Variants in ST6GALNAC5 observed in about 807,000 individuals in gnomAD.
ST6GALNAC5 encodes the protein alpha-N-acetylgalactosaminide alpha-2,6-sialyltransferase 5.
In ST6GALNAC5, 27 loss-of-function variants were observed where a neutral mutation model predicts 33.6. That is an observed-to-expected ratio of 0.80 (90% CI 0.59 to 1.11). The LOEUF (loss-of-function observed/expected upper bound fraction) is 1.11. Ranked by LOEUF, ST6GALNAC5 falls within the 50% of genes least tolerant of loss-of-function variation. The probability of loss-of-function intolerance (pLI) is 0.00; values close to 1 mark genes in which losing one functional copy is unlikely to be tolerated. For missense variants in ST6GALNAC5, 428 were observed against 454.0 expected (o/e 0.94, Z 0.52); for synonymous variants, 194 against 171.2 (o/e 1.13, Z -1.04).
intron 3 of ST6GALNAC5, among the ~76,000 whole-genome samples, chr1:77,049,401 A>G (rs1173899642): frequency 6.6e-6 from 1 of 152,192 alleles, no homozygotes; most frequent in Non-Finnish European, 1.5e-5. Context: ...CAACCCCCGA[A>G]GAATTGAAAT....
intron 2 of ST6GALNAC5, among the ~76,000 whole-genome samples, chr1:76,949,741 A>G (rs539063093): frequency 2.0e-5 from 3 of 152,268 alleles, no homozygotes; most frequent in African/African-American, 4.8e-5. Context: ...GTGACTCACC[A>G]GGAGAAAAAC....
At chr1:76,957,743 A>G (rs1648065539) in intron 2 of ST6GALNAC5, among the ~76,000 whole-genome samples, 2 of 152,200 alleles carry the variant, frequency 1.3e-5, no homozygotes, top group South Asian at 4.2e-4. Flanking sequence ...CCACAATACT[A>G]CTATTATCTC....
chr1:76,980,156 T>A (rs1429662278), intron 2 of ST6GALNAC5, among the ~76,000 whole-genome samples: 1 of 152,164 alleles, frequency 6.6e-6, no homozygotes, highest in Non-Finnish European at 1.5e-5. Flanking sequence ...CATGTTTCTA[T>A]GAATTTCCAT....
intron 2 of ST6GALNAC5, among the ~76,000 whole-genome samples, chr1:76,971,584 T>G (rs1194222675): frequency 1.3e-5 from 2 of 152,238 alleles, no homozygotes; most frequent in African/African-American, 4.8e-5. Flanking sequence ...TATTTTTCCC[T>G]GTTTTTTGCC....
rs543506938 is a variant in ST6GALNAC5 at position 77,059,850 on chromosome 1, GTTTA to G, written c.780-3118_780-3115del. ...GCTGTTTCTTCTCCTCCATTTATTT[GTTTA>G]TTTATTCAGTTATTTATTGAAATTA... On this transcript the variant is annotated intron_variant, in intron 4 of 4. Transcript: ENST00000477717. Among the ~76,000 whole-genome samples the G allele has an allele frequency of 9.2e-4, 140 of 152,096 alleles. 1 individual carries two copies. The highest frequency in any genetic ancestry group is 3.2e-3 in the African/African-American group (133 of 41,496).
At chr1:76,906,680 A>G (rs757790490) in intron 2 of ST6GALNAC5, among the ~76,000 whole-genome samples, 3 of 152,154 alleles carry the variant, frequency 2.0e-5, no homozygotes, top group Non-Finnish European at 4.4e-5. Context: ...AGGAAGGTGT[A>G]TATGTTTGGA....
At chr1:76,887,108 A>T (rs937646331) in intron 2 of ST6GALNAC5, among the ~76,000 whole-genome samples, 1 of 152,158 alleles carries the variant, frequency 6.6e-6, no homozygotes, top group Non-Finnish European at 1.5e-5. Context: ...ATATCCATGG[A>T]GGCCGTGCTA....
intron 2 of ST6GALNAC5, among the ~76,000 whole-genome samples, chr1:76,982,687 G>A (rs1649306332): frequency 6.6e-6 from 1 of 152,000 alleles, no homozygotes; most frequent in African/African-American, 2.4e-5. Flanking sequence ...TCCTTAAGAA[G>A]AGCAACCCCA....
At position 77,050,655 on chromosome 1, in the gene ST6GALNAC5, G is replaced by A. The variant is rs77058959; in HGVS notation, c.779+290G>A. ...CAATAATTGGCATAATATTAACGATGAACAAGCATTAAGAAATATTAGTTT... is the reference window on the plus strand; with the variant it reads ...CAATAATTGGCATAATATTAACGATAAACAAGCATTAAGAAATATTAGTTT... On this transcript the variant is annotated intron_variant, in intron 4 of 4. Transcript: ENST00000477717. 9.0e-3 allele frequency among the ~76,000 whole-genome samples: 1,374 copies of A among 152,320 alleles called. 19 individuals are homozygous for A. The highest frequency in any genetic ancestry group is 0.031 in the African/African-American group (1,285 of 41,564).
chr1:76,867,829 G>T (rs1435537536), intron 1 of ST6GALNAC5, 139 bp downstream of exon 1: 5 of 1,241,498 alleles, frequency 4.0e-6, no homozygotes, highest in East Asian at 2.5e-5. Flanking sequence ...CTTTCTACCC[G>T]CTCCGCGTTC....
chr1:76,900,103 T>C (rs145994868), intron 2 of ST6GALNAC5, among the ~76,000 whole-genome samples: 2,750 of 152,108 alleles, frequency 0.018, 85 homozygotes, highest in African/African-American at 0.062. Flanking sequence ...AGGGTGGGGC[T>C]GTTTTATAGG....
intron 2 of ST6GALNAC5, among the ~76,000 whole-genome samples, chr1:76,913,717 C>A (rs1486013585): frequency 6.6e-6 from 1 of 152,096 alleles, no homozygotes; most frequent in African/African-American, 2.4e-5. Context: ...GCATCGGCTC[C>A]AAACCCACAG....
intron 2 of ST6GALNAC5, among the ~76,000 whole-genome samples, chr1:76,915,373 G>T: frequency 6.6e-6 from 1 of 152,058 alleles, no homozygotes; most frequent in East Asian, 1.9e-4. Flanking sequence ...AAATCATGCT[G>T]CCATAAAGAC....
chr1:76,977,964 C>A (rs568229177), intron 2 of ST6GALNAC5, among the ~76,000 whole-genome samples: 1 of 152,166 alleles, frequency 6.6e-6, no homozygotes, highest in Non-Finnish European at 1.5e-5. Context: ...GTTCTCCTTT[C>A]TCCACATTCT....
intron 2 of ST6GALNAC5, among the ~76,000 whole-genome samples, chr1:76,994,945 G>A (rs1649869112): frequency 6.6e-6 from 1 of 152,120 alleles, no homozygotes; most frequent in African/African-American, 2.4e-5. Context: ...CTTCCAGACT[G>A]AAGTTGTTTC....
intron 2 of ST6GALNAC5, among the ~76,000 whole-genome samples, chr1:76,922,935 C>CAAA (rs552411649): frequency 1.1e-5 from 1 of 93,382 alleles, no homozygotes; most frequent in African/African-American, 3.6e-5. Context: ...AACCTTGCCT[C>CAAA]AAAAAAAAAA....
intron 2 of ST6GALNAC5, among the ~76,000 whole-genome samples, chr1:76,997,751 T>C (rs571249123): frequency 1.6e-4 from 25 of 152,308 alleles, no homozygotes; most frequent in African/African-American, 6.0e-4. Context: ...GTAATCTCAA[T>C]GCTTTGAGAG....
At chr1:76,994,832 G>A (rs1004008476) in intron 2 of ST6GALNAC5, among the ~76,000 whole-genome samples, 2 of 152,152 alleles carry the variant, frequency 1.3e-5, no homozygotes, top group African/African-American at 4.8e-5. Context: ...TATTAGAAAC[G>A]TAGTATCTGC....
chr1:76,963,210 G>A (rs1182037405), intron 2 of ST6GALNAC5, among the ~76,000 whole-genome samples: 1 of 152,182 alleles, frequency 6.6e-6, no homozygotes, highest in Non-Finnish European at 1.5e-5. Context: ...TCACATTAAA[G>A]AATGTGGCTA....
Sources: allele counts gnomAD v4.1 joint callset (sites outside exome capture counted in the v4.1 genomes callset), GRCh38; gene constraint gnomAD v4.1.1; transcripts MANE v1.5; gene names NCBI Gene and HGNC (gene_info 2026-07-23, HGNC 2026-07-21).